The following PCDHA1 variants were observed in gnomAD, a reference collection of about 807,000 sequenced individuals.
PCDHA1 encodes protocadherin alpha 1.
PCDHA1 carries 42 observed loss-of-function variants against 61.3 expected under a neutral mutation model. The ratio of observed to expected loss-of-function variants is 0.69; its 90% CI spans 0.54 to 0.89. The LOEUF (loss-of-function observed/expected upper bound fraction) is 0.89, where lower values mean the gene tolerates loss of function less well. Among genes scored for constraint, PCDHA1 ranks in the 40% least tolerant of loss-of-function variants. PCDHA1 has a pLI of 0.00. For synonymous variants in PCDHA1, 610 were observed against 553.8 expected, an observed-to-expected ratio of 1.10 and a Z score of -1.43; for missense variants, 1,256 against 1,235.3, an observed-to-expected ratio of 1.02 and a Z score of -0.25.
At chr5:140,894,141 C>G (rs552932940) in intron 1 of PCDHA1, among the ~76,000 whole-genome samples, 169 of 152,150 alleles carry the variant, frequency 1.1e-3, no homozygotes, top group African/African-American at 3.9e-3. Context: ...AAATAATTCC[C>G]TTCTATGTAA....
chr5:140,967,836 A>G, intron 1 of PCDHA1: 1 of 1,614,136 alleles, frequency 6.2e-7, no homozygotes, highest in African/African-American at 1.3e-5. Flanking sequence ...GACATCGTGG[A>G]CGTGAATGAC....
chr5:140,794,514 T>C (rs1056534749), intron 1 of PCDHA1, among the ~76,000 whole-genome samples: 1 of 152,354 alleles, frequency 6.6e-6, no homozygotes, highest in African/African-American at 2.4e-5. Flanking sequence ...TGTTGTCTAA[T>C]GGGTATAGAG....
At chr5:140,836,408 A>G (rs2150260018) in intron 1 of PCDHA1, 22 of 1,613,740 alleles carry the variant, frequency 1.4e-5, no homozygotes, top group Non-Finnish European at 1.9e-5. Context: ...GCGGCCAGGC[A>G]CCAAAGGCGT....
At chr5:140,868,823 G>T (rs576498570) in intron 1 of PCDHA1, 2 of 397,532 alleles carry the variant, frequency 5.0e-6, no homozygotes, top group East Asian at 8.3e-5. Flanking sequence ...ATATTTGGGG[G>T]AAGAAACCCA....
intron 1 of PCDHA1, chr5:140,862,471 C>A (rs1000381603): frequency 1.5e-4 from 55 of 374,462 alleles, no homozygotes; most frequent in Non-Finnish European, 2.7e-4. Context: ...GAGAGCAAAT[C>A]TATCCATTGT....
chr5:140,829,467 A>C, intron 1 of PCDHA1: 1 of 1,613,844 alleles, frequency 6.2e-7, no homozygotes, highest in Non-Finnish European at 8.5e-7. Context: ...GCGCAGCCCG[A>C]GTACACAGTG....
chr5:140,800,568 G>A (rs1762574366), intron 1 of PCDHA1, among the ~76,000 whole-genome samples: 1 of 152,140 alleles, frequency 6.6e-6, no homozygotes, highest in Non-Finnish European at 1.5e-5. Flanking sequence ...ATGTAACTTG[G>A]GTGGTAAAGA....
intron 1 of PCDHA1, among the ~76,000 whole-genome samples, chr5:140,965,185 CAT>C (rs782612335): frequency 4.6e-5 from 7 of 152,138 alleles, no homozygotes; most frequent in Non-Finnish European, 1.0e-4. Flanking sequence ...TTTTTTTGCA[CAT>C]GAGGCAATAG....
chr5:140,912,378 T>C (rs1554195314), intron 1 of PCDHA1, among the ~76,000 whole-genome samples: 1 of 152,002 alleles, frequency 6.6e-6, no homozygotes, highest in African/African-American at 2.4e-5. Context: ...GTAAAAGGGA[T>C]TGAGTTCTTA....
chr5:140,830,117 C>T (rs2150181375), intron 1 of PCDHA1: 1 of 1,613,510 alleles, frequency 6.2e-7, no homozygotes. Context: ...TGGCCAGGCT[C>T]CAAAGGCGTC....
chr5:140,970,774 A>G (rs1554232727), intron 1 of PCDHA1, among the ~76,000 whole-genome samples: 2 of 152,218 alleles, frequency 1.3e-5, no homozygotes, highest in Admixed American at 1.3e-4. Context: ...TGCTGTACAT[A>G]CATATTGTAT....
chr5:140,923,305 G>A (rs552769255), intron 1 of PCDHA1, among the ~76,000 whole-genome samples: 3 of 152,304 alleles, frequency 2.0e-5, no homozygotes, highest in South Asian at 2.1e-4. Context: ...GGGCGTGGGG[G>A]CGCTTGGCCT....
At position 140,787,620 on chromosome 5, in the gene PCDHA1, G is replaced by C; in HGVS notation, c.1330G>C (p.Glu444Gln). The change falls in exon 1 of 4, where the codon GAG becomes CAG. Residue 444 changes from glutamate (E) to glutamine (Q), a missense_variant. Physicochemically the swap from Glu to Gln is conservative, Grantham distance 29. Coordinates refer to ENST00000504120, the MANE Select transcript of PCDHA1 (RefSeq NM_018900.4). The part of the protein sequence containing the change: ...SLWATARVSV[E>Q]VADVNDNAPA... ...GTGGGCCACGGCCAGGGTGTCCGTG[G>C]AGGTGGCCGACGTGAATGACAACGC... 1 of 1,614,090 alleles carries C rather than the reference G, an allele frequency of 6.2e-7. No homozygotes were observed. The highest frequency in any genetic ancestry group is 8.5e-7 in the Non-Finnish European group (1 of 1,179,994).
chr5:141,000,393 CTCTA>C (rs1240848742), intron 3 of PCDHA1, among the ~76,000 whole-genome samples: 128 of 52,788 alleles, frequency 2.4e-3, no homozygotes, highest in Admixed American at 6.8e-3. Context: ...CTCTCTCTCT[CTCTA>C]TATATATATA....
At chr5:140,795,309 G>A in intron 1 of PCDHA1, 1 of 1,614,242 alleles carries the variant, frequency 6.2e-7, no homozygotes, top group Non-Finnish European at 8.5e-7. Flanking sequence ...GGCCGCTGCA[G>A]GTTTTCCATG....
intron 1 of PCDHA1, among the ~76,000 whole-genome samples, chr5:140,899,014 T>C (rs2067098044): frequency 6.6e-6 from 1 of 151,934 alleles, no homozygotes. Context: ...TGTATAAGAA[T>C]GCTTGTGATT....
Position 140,786,864 on chromosome 5 carries a change from C to T in PCDHA1, c.574C>T (p.Leu192Phe), listed in dbSNP as rs1554117580. The part of the protein sequence containing the change: ...VEASDELSKS[L>F]WLELRKYLDR... ...GGCAAGTGATGAACTGAGTAAATCT[C>T]TTTGGCTTGAATTGAGAAAATATTT... Residue 192 changes from leucine (L) to phenylalanine (F), a missense_variant, in exon 1 of 4, where the codon CTT (leucine) becomes TTT (phenylalanine). Physicochemically the swap from Leu to Phe is conservative, Grantham distance 22. Coordinates refer to ENST00000504120, the MANE Select transcript of PCDHA1 (RefSeq NM_018900.4). The T allele has an allele frequency of 6.2e-7, 1 of 1,614,168 alleles. No homozygotes were observed. The highest frequency in any genetic ancestry group is 8.5e-7 in the Non-Finnish European group (1 of 1,180,024).
intron 1 of PCDHA1, chr5:140,813,683 A>C (rs1231151598): frequency 6.6e-6 from 1 of 152,204 alleles, no homozygotes; most frequent in African/African-American, 2.4e-5. Context: ...TTTAGGCTAC[A>C]CTCAATTTAT....
At position 140,977,800 on chromosome 5, in the gene PCDHA1, T is replaced by G. The variant is rs572772764; in HGVS notation, c.2395-1149T>G. On this transcript the variant is annotated intron_variant, in intron 1 of 3. Coordinates refer to ENST00000504120, the MANE Select transcript of PCDHA1 (RefSeq NM_018900.4). Reference sequence around the variant, plus strand: ...AAAGGAACTATATGAATGATAGGAATAAGAATTATTGACAGTTTTGAATGG... The same window carrying G: ...AAAGGAACTATATGAATGATAGGAAGAAGAATTATTGACAGTTTTGAATGG... Among the ~76,000 whole-genome samples, 3 of 152,356 alleles carry G rather than the reference T, an allele frequency of 2.0e-5. No individual in the cohort carries two copies. In the East Asian group the frequency reaches 5.8e-4, roughly 29 times the overall value.
Sources: gnomAD v4.1 joint callset for allele counts (sites outside exome capture counted in the v4.1 genomes callset) on GRCh38, gnomAD v4.1.1 for gene constraint, MANE v1.5 for transcripts, NCBI Gene and HGNC (gene_info 2026-07-23, HGNC 2026-07-21) for gene names.